The following LMNB1 variants were observed in gnomAD, a reference collection of about 807,000 sequenced individuals.
The protein encoded by LMNB1 is lamin B1, also known as lamin-B1.
Under a neutral mutation model 67.1 loss-of-function variants are expected in LMNB1, and 23 were observed. The ratio of observed to expected loss-of-function variants is 0.34; its 90% confidence interval spans 0.25 to 0.49. LMNB1 has a LOEUF of 0.49. Among genes scored for constraint, LMNB1 ranks in the 20% least tolerant of loss-of-function variants. LMNB1 has a pLI of 0.99. For synonymous variants in LMNB1, 281 were observed against 282.9 expected (o/e 0.99, Z 0.07); for missense variants, 634 against 746.5 (o/e 0.85, Z 1.76).
At chr5:126,787,780 A>G (rs755650011) in intron 1 of LMNB1, among the ~76,000 whole-genome samples, 11 of 151,378 alleles carry the variant, frequency 7.3e-5, no homozygotes, top group Non-Finnish European at 1.6e-4. Flanking sequence ...TGAACTCCTG[A>G]CCTCAGGTGA....
At chr5:126,800,449 G>A (rs1751241366) in intron 1 of LMNB1, among the ~76,000 whole-genome samples, 1 of 151,784 alleles carries the variant, frequency 6.6e-6, no homozygotes, top group Non-Finnish European at 1.5e-5. Flanking sequence ...GGGAATAGAT[G>A]GCATGGAGTG....
chr5:126,819,055 A>G lies in LMNB1; in HGVS notation c.1073A>G (p.Asn358Ser), dbSNP rs190794874. 2.3e-5 allele frequency: 37 copies of G among 1,614,196 alleles called. No individual in the cohort carries two copies. The African/African-American group carries it at 4.5e-4, about 20-fold the overall frequency. ...EIRDQMQQQLNDYEQLLDVKL... is the reference protein window; with the variant it reads ...EIRDQMQQQLSDYEQLLDVKL... ...AGGGATCAAATGCAGCAACAGCTGA[A>G]TGACTATGAACAGCTTCTTGATGTA... is the stretch of plus-strand genomic sequence containing the variant. The change falls in exon 6 of 11, where the codon AAT becomes AGT. Residue 358 changes from asparagine (N) to serine (S), a missense_variant. Coordinates refer to ENST00000261366, the MANE Select transcript of LMNB1 (RefSeq NM_005573.4).
intron 1 of LMNB1, among the ~76,000 whole-genome samples, chr5:126,778,342 G>A (rs976095694): frequency 6.6e-6 from 1 of 152,172 alleles, no homozygotes; most frequent in African/African-American, 2.4e-5. Flanking sequence ...CTGGCAGCCC[G>A]CCTCTAGAAT....
chr5:126,823,326 G>T (rs1215268303), intron 8 of LMNB1, among the ~76,000 whole-genome samples: 1 of 152,146 alleles, frequency 6.6e-6, no homozygotes, highest in Non-Finnish European at 1.5e-5. Flanking sequence ...CCTAGGTTTT[G>T]AATAAAAGTC....
chr5:126,792,164 A>G (rs1403514633), intron 1 of LMNB1, among the ~76,000 whole-genome samples: 3 of 134,746 alleles, frequency 2.2e-5, no homozygotes, highest in Non-Finnish European at 3.1e-5. Context: ...TTTTTTGGAG[A>G]CAGAGTCTTA....
chr5:126,805,041 AT>A, intron 2 of LMNB1, 109 bp downstream of exon 2: 4 of 1,006,584 alleles, frequency 4.0e-6, no homozygotes, highest in Non-Finnish European at 5.7e-6. Context: ...TATTTTTGAA[AT>A]TTTATATATT....
chr5:126,812,741 T>C (rs1398291636), intron 5 of LMNB1, among the ~76,000 whole-genome samples: 2 of 116,184 alleles, frequency 1.7e-5, no homozygotes, highest in African/African-American at 6.4e-5. Flanking sequence ...TTTTTTTTTT[T>C]TCTTTTTGAG....
At position 126,820,929 on chromosome 5, in the gene LMNB1, C is replaced by T; in HGVS notation, c.1180C>T (p.Pro394Ser). ...EEERLKLSPSPSSRVTVSRAS... is the reference protein window; with the variant it reads ...EEERLKLSPSSSSRVTVSRAS... ...ATATAGGTTGAAGCTGTCTCCAAGC[C>T]CTTCTTCCCGTGTGACAGTATCCCG... The change falls in exon 7 of 11, where the codon CCT (proline) becomes TCT (serine). Residue 394 changes from proline (P) to serine (S), a missense_variant. Coordinates refer to ENST00000261366, the MANE Select transcript of LMNB1 (RefSeq NM_005573.4). 6.2e-7 allele frequency: 1 copy of T among 1,613,810 alleles called. No individual in the cohort carries two copies. The highest frequency in any genetic ancestry group is 1.7e-5 in the Admixed American group (1 of 59,992).
intron 3 of LMNB1, among the ~76,000 whole-genome samples, chr5:126,808,720 TGATTTTTCA>T (rs1475150865): frequency 2.0e-5 from 3 of 152,192 alleles, no homozygotes; most frequent in Admixed American, 6.6e-5. Flanking sequence ...CTGATTTTTC[TGATTTTTCA>T]GATTTTGTCA....
At chr5:126,812,097 T>C (rs753184178) in intron 5 of LMNB1, among the ~76,000 whole-genome samples, 199 bp downstream of exon 5, 1 of 152,194 alleles carries the variant, frequency 6.6e-6, no homozygotes, top group Non-Finnish European at 1.5e-5. Context: ...CAGATACTAT[T>C]GTTCCTAATT....
At chr5:126,784,588 C>G (rs1024581792) in intron 1 of LMNB1, among the ~76,000 whole-genome samples, 3 of 146,270 alleles carry the variant, frequency 2.1e-5, no homozygotes, top group Non-Finnish European at 3.0e-5. Context: ...AGCTCCTGAC[C>G]TCGTGATCCA....
intron 1 of LMNB1, among the ~76,000 whole-genome samples, chr5:126,792,717 C>T (rs1321972116): frequency 6.6e-6 from 1 of 151,972 alleles, no homozygotes; most frequent in Non-Finnish European, 1.5e-5. Flanking sequence ...GCTGGGATTA[C>T]AGGCATGTGC....
chr5:126,787,825 A>T (rs924452423), intron 1 of LMNB1, among the ~76,000 whole-genome samples: 1 of 151,836 alleles, frequency 6.6e-6, no homozygotes, highest in East Asian at 1.9e-4. Context: ...TGCTGGGATT[A>T]CAGGTGTGAG....
At position 126,784,098 on chromosome 5, in the gene LMNB1, C is replaced by T. The variant is rs529889577; in HGVS notation, c.359+6231C>T. ...GGAGTACAGTGGTGCGATCTCAGCTCACTGCAACCTCCGCCTCCCGGGTTC... is the reference window on the plus strand; with the variant it reads ...GGAGTACAGTGGTGCGATCTCAGCTTACTGCAACCTCCGCCTCCCGGGTTC... On this transcript the variant is annotated intron_variant, in intron 1 of 10. Transcript: ENST00000261366. 1.7e-3 allele frequency among the ~76,000 whole-genome samples: 233 copies of T among 138,312 alleles called. 2 individuals carry two copies. The highest frequency in any genetic ancestry group is 4.0e-3 in the Middle Eastern group (1 of 250). The allele number at this position is 138,312 out of a possible 152,430, so 90.7% of individuals were successfully genotyped here.
chr5:126,823,342 A>G (rs1751916685), intron 8 of LMNB1, among the ~76,000 whole-genome samples: 1 of 152,208 alleles, frequency 6.6e-6, no homozygotes, highest in Non-Finnish European at 1.5e-5. Context: ...AAGTCCTTAG[A>G]TTATAGGCAC....
At chr5:126,811,290 A>G (rs1311657274) in intron 4 of LMNB1, among the ~76,000 whole-genome samples, 1 of 152,110 alleles carries the variant, frequency 6.6e-6, no homozygotes, top group Non-Finnish European at 1.5e-5. Flanking sequence ...TGGGATTTGT[A>G]TTTTACTCAA....
intron 1 of LMNB1, among the ~76,000 whole-genome samples, chr5:126,796,780 TTC>T (rs971422331): frequency 8.1e-5 from 11 of 135,122 alleles, no homozygotes; most frequent in African/African-American, 3.0e-4. Flanking sequence ...TTTTTCTTTT[TTC>T]TTTCTTTTTT....
intron 2 of LMNB1, 137 bp from the exon 3 acceptor site, chr5:126,805,434 G>A: frequency 1.6e-6 from 1 of 630,292 alleles, no homozygotes; most frequent in East Asian, 2.8e-5. Flanking sequence ...TGTGATAAAT[G>A]TTAAGATGAA....
chr5:126,799,835 A>G (rs757617787), intron 1 of LMNB1, among the ~76,000 whole-genome samples: 3 of 152,206 alleles, frequency 2.0e-5, no homozygotes, highest in Non-Finnish European at 4.4e-5. Context: ...TAGAAAAAGC[A>G]AAAGTGTGTT....
Sources: gnomAD v4.1 joint callset for allele counts (sites outside exome capture counted in the v4.1 genomes callset) on GRCh38, gnomAD v4.1.1 for gene constraint, MANE v1.5 for transcripts, NCBI Gene and HGNC (gene_info 2026-07-23, HGNC 2026-07-21) for gene names.